ERBB4: variants seen among roughly 807,000 people sequenced by gnomAD.
ERBB4 encodes the protein erb-b2 receptor tyrosine kinase 4.
In ERBB4, 42 loss-of-function variants were observed where a neutral mutation model predicts 158.0. The ratio of observed to expected loss-of-function variants is 0.27; its 90% CI spans 0.21 to 0.34. The LOEUF is 0.34. ERBB4 is among the 10% of genes least tolerant of loss of function. ERBB4 has a pLI of 1.00. For missense variants in ERBB4, 1,333 were observed against 1,624.1 expected (o/e 0.82, Z 3.08); for synonymous variants, 583 against 558.7 (o/e 1.04, Z -0.61).
chr2:211,794,654 A>G lies in ERBB4; in HGVS notation c.422-6495T>C, dbSNP rs1400694139. Among the ~76,000 whole-genome samples, 3 of 151,880 alleles carry G rather than the reference A, an allele frequency of 2.0e-5. No individual in the cohort carries two copies. In the East Asian group the frequency reaches 5.8e-4, roughly 29 times the overall value. On this transcript the variant is annotated intron_variant, in intron 3 of 27. Transcript: ENST00000342788. ...TATTGAATACATTTATTTTGATCTTAATATATTCTTTCTGTCCTAATATTA... is the reference window on the plus strand; with the variant it reads ...TATTGAATACATTTATTTTGATCTTGATATATTCTTTCTGTCCTAATATTA...
chr2:212,030,540 T>C (rs1470443684), intron 2 of ERBB4, among the ~76,000 whole-genome samples: 1 of 152,040 alleles, frequency 6.6e-6, no homozygotes, highest in Non-Finnish European at 1.5e-5. Flanking sequence ...AAATCAAACT[T>C]TGGTGAGCTC....
chr2:212,285,602 C>T (rs1259420962), intron 1 of ERBB4, among the ~76,000 whole-genome samples: 1 of 151,766 alleles, frequency 6.6e-6, no homozygotes, highest in Non-Finnish European at 1.5e-5. Flanking sequence ...ACGAAGTCAA[C>T]CTGGATTAAA....
At chr2:212,111,181 C>G (rs1017167806) in intron 2 of ERBB4, among the ~76,000 whole-genome samples, 1 of 152,180 alleles carries the variant, frequency 6.6e-6, no homozygotes, top group Non-Finnish European at 1.5e-5. Context: ...ATCTTTTTAT[C>G]TACTTCTTCA....
chr2:212,125,864 G>C (rs1020599443), intron 1 of ERBB4, among the ~76,000 whole-genome samples: 3 of 152,296 alleles, frequency 2.0e-5, no homozygotes, highest in Non-Finnish European at 2.9e-5. Context: ...ATTGGGAATA[G>C]TGCTGCAGTG....
At chr2:212,245,965 G>C (rs1329832070) in intron 1 of ERBB4, among the ~76,000 whole-genome samples, 1 of 152,110 alleles carries the variant, frequency 6.6e-6, no homozygotes, top group East Asian at 1.9e-4. Context: ...AATTTTCAAA[G>C]GATGTAGGCA....
chr2:212,067,552 G>A (rs1452966307), intron 2 of ERBB4, among the ~76,000 whole-genome samples: 1 of 151,974 alleles, frequency 6.6e-6, no homozygotes, highest in Admixed American at 6.6e-5. Context: ...AAACTGGACA[G>A]CATTATGTAA....
rs2062539833 is a variant in ERBB4 at position 211,379,549 on chromosome 2, A to G, written c.*4066T>C. ...TTTTACTATGCAAAATCCATCCTACATTTTTATATCCTGCATTTAACTTTG... is the reference window on the plus strand; with the variant it reads ...TTTTACTATGCAAAATCCATCCTACGTTTTTATATCCTGCATTTAACTTTG... On this transcript the variant is annotated 3_prime_UTR_variant, in exon 28 of 28. Transcript: ENST00000342788. The G allele has an allele frequency of 4.3e-6, 1 of 231,016 alleles. No individual in the cohort carries two copies. The highest frequency in any genetic ancestry group is 8.6e-6 in the Non-Finnish European group (1 of 116,710). The allele number at this position is 231,016 out of a possible 1,614,324, so 14.3% of individuals were successfully genotyped here.
intron 2 of ERBB4, among the ~76,000 whole-genome samples, chr2:212,017,663 G>T (rs983398392): frequency 1.3e-5 from 2 of 152,000 alleles, no homozygotes; most frequent in African/African-American, 4.8e-5. Context: ...TTGCACATCA[G>T]CCAAGACTCT....
intron 20 of ERBB4, among the ~76,000 whole-genome samples, chr2:211,559,046 T>C (rs2067314318): frequency 6.6e-6 from 1 of 152,176 alleles, no homozygotes; most frequent in Non-Finnish European, 1.5e-5. Flanking sequence ...ACTTTTCCAA[T>C]GTGCCAAGTC....
At chr2:211,737,615 T>C (rs994345036) in intron 5 of ERBB4, among the ~76,000 whole-genome samples, 2 of 152,192 alleles carry the variant, frequency 1.3e-5, no homozygotes, top group African/African-American at 4.8e-5. Flanking sequence ...TTGCTTAACC[T>C]CTCTGTGATT....
intron 3 of ERBB4, among the ~76,000 whole-genome samples, chr2:211,884,311 C>T (rs903953894): frequency 1.3e-5 from 2 of 152,168 alleles, no homozygotes; most frequent in Non-Finnish European, 2.9e-5. Flanking sequence ...ATTGAAATAG[C>T]TACCCTGGAC....
At chr2:211,916,106 G>A (rs1446760938) in intron 3 of ERBB4, among the ~76,000 whole-genome samples, 1 of 151,696 alleles carries the variant, frequency 6.6e-6, no homozygotes, top group East Asian at 1.9e-4. Flanking sequence ...AATATCTAGA[G>A]TGCCCATATC....
At chr2:211,558,576 C>T (rs1251814615) in intron 20 of ERBB4, among the ~76,000 whole-genome samples, 1 of 152,062 alleles carries the variant, frequency 6.6e-6, no homozygotes, top group Non-Finnish European at 1.5e-5. Context: ...AGGTAGATAC[C>T]ATTTATTACA....
At chr2:211,609,844 G>A (rs2069125641) in intron 19 of ERBB4, among the ~76,000 whole-genome samples, 1 of 152,126 alleles carries the variant, frequency 6.6e-6, no homozygotes, top group Non-Finnish European at 1.5e-5. Flanking sequence ...GACATAACCA[G>A]GTAAATAAAA....
chr2:212,003,173 G>GA (rs1237718912), intron 2 of ERBB4, among the ~76,000 whole-genome samples: 26 of 35,446 alleles, frequency 7.3e-4, no homozygotes, highest in Middle Eastern at 0.022. Context: ...AAGAAAGAAA[G>GA]AAAGAAAGAA....
chr2:212,234,859 A>C (rs1574488710), intron 1 of ERBB4, among the ~76,000 whole-genome samples: 1 of 151,802 alleles, frequency 6.6e-6, no homozygotes, highest in Non-Finnish European at 1.5e-5. Flanking sequence ...TTTTCTTTGT[A>C]GATTCTGGAT....
intron 1 of ERBB4, among the ~76,000 whole-genome samples, chr2:212,236,952 A>C (rs922601030): frequency 2.0e-5 from 3 of 150,876 alleles, no homozygotes; most frequent in African/African-American, 7.3e-5. Context: ...AGGGTTTTTC[A>C]TGTCTCTATC....
intron 25 of ERBB4, among the ~76,000 whole-genome samples, chr2:211,414,677 C>T (rs1179342376): frequency 2.0e-5 from 3 of 151,882 alleles, no homozygotes; most frequent in Non-Finnish European, 2.9e-5. Context: ...TCCAGATTAC[C>T]GTAAAGTGAA....
intron 20 of ERBB4, among the ~76,000 whole-genome samples, chr2:211,520,749 A>G (rs1468860243): frequency 6.6e-6 from 1 of 152,084 alleles, no homozygotes; most frequent in Non-Finnish European, 1.5e-5. Flanking sequence ...GCATTGAACA[A>G]GTTTATTTTT....
Sources: allele counts gnomAD v4.1 joint callset (sites outside exome capture counted in the v4.1 genomes callset), GRCh38; gene constraint gnomAD v4.1.1; transcripts MANE v1.5; gene names NCBI Gene and HGNC (gene_info 2026-07-23, HGNC 2026-07-21).